Variants in ZFHX3 observed in about 807,000 individuals in gnomAD.
ZFHX3 encodes zinc finger homeobox protein 3.
In ZFHX3, 42 loss-of-function variants were observed where a neutral mutation model predicts 279.1. The observed-to-expected ratio is 0.15, with a 90% confidence interval of 0.12 to 0.19. The LOEUF is 0.19. Ranked by LOEUF, ZFHX3 falls within the 10% of genes least tolerant of loss-of-function variation. ZFHX3 has a pLI of 1.00. For synonymous variants in ZFHX3, 2,293 were observed against 1,957.8 expected, an observed-to-expected ratio of 1.17 and a Z score of -4.52; for missense variants, 4,981 against 4,754.0, an observed-to-expected ratio of 1.05 and a Z score of -1.40.
intron 5 of ZFHX3, among the ~76,000 whole-genome samples, chr16:73,246,923 T>C (rs1464866949): frequency 6.6e-6 from 1 of 152,212 alleles, no homozygotes; most frequent in African/African-American, 2.4e-5. Context: ...CTCCTTCATG[T>C]ATGTGTGTAT....
chr16:72,849,315 T>G (rs1314038466), intron 4 of ZFHX3, among the ~76,000 whole-genome samples: 3 of 152,164 alleles, frequency 2.0e-5, no homozygotes, highest in Non-Finnish European at 4.4e-5. Flanking sequence ...AAAACGTGGC[T>G]TGGTCTCCTC....
chr16:72,900,516 G>A (rs2039008969), intron 3 of ZFHX3, among the ~76,000 whole-genome samples: 1 of 152,222 alleles, frequency 6.6e-6, no homozygotes, highest in African/African-American at 2.4e-5. Flanking sequence ...CGGAACATGT[G>A]AAGAACTACC....
At chr16:73,373,151 G>T (rs963056799) in intron 3 of ZFHX3, among the ~76,000 whole-genome samples, 1 of 147,398 alleles carries the variant, frequency 6.8e-6, no homozygotes, top group East Asian at 2.0e-4. Context: ...TTGGGGGGGG[G>T]GTGGTTCCAA....
intron 4 of ZFHX3, among the ~76,000 whole-genome samples, chr16:72,845,517 C>T (rs1440774552): frequency 6.6e-6 from 1 of 152,138 alleles, no homozygotes; most frequent in East Asian, 1.9e-4. Flanking sequence ...GGGCTCTCCG[C>T]CCCCAACTCA....
At chr16:72,845,997 G>T (rs2037470217) in intron 4 of ZFHX3, among the ~76,000 whole-genome samples, 1 of 152,144 alleles carries the variant, frequency 6.6e-6, no homozygotes, top group South Asian at 2.1e-4. Context: ...ACACACACTT[G>T]TGCTTGTGCT....
intron 4 of ZFHX3, among the ~76,000 whole-genome samples, chr16:73,311,905 A>G (rs955406403): frequency 1.1e-4 from 16 of 152,152 alleles, no homozygotes; most frequent in African/African-American, 3.1e-4. Flanking sequence ...GTGTGAGTCA[A>G]TGGAAGCTCA....
chr16:73,045,652 T>C (rs925601022), intron 1 of ZFHX3, among the ~76,000 whole-genome samples: 108 of 117,198 alleles, frequency 9.2e-4, no homozygotes, highest in African/African-American at 5.2e-3. Flanking sequence ...TTATTATTAT[T>C]ATTATTATTA....
intron 3 of ZFHX3, among the ~76,000 whole-genome samples, chr16:73,377,124 A>G (rs1035039179): frequency 6.6e-6 from 1 of 152,080 alleles, no homozygotes; most frequent in African/African-American, 2.4e-5. Flanking sequence ...GGCACGTGCC[A>G]CCATGCCTAG....
chr16:73,006,915 T>C (rs1230759192), intron 1 of ZFHX3, among the ~76,000 whole-genome samples: 1 of 152,222 alleles, frequency 6.6e-6, no homozygotes. Flanking sequence ...TTAAACTGTA[T>C]CATTTAAGGA....
chr16:72,929,758 T>C (rs1465163391), intron 3 of ZFHX3, among the ~76,000 whole-genome samples: 1 of 152,130 alleles, frequency 6.6e-6, no homozygotes, highest in Admixed American at 6.5e-5. Flanking sequence ...AAGTGTGCAC[T>C]GGGAGCAGAA....
chr16:72,823,496 T>C (rs1306865152), intron 5 of ZFHX3, among the ~76,000 whole-genome samples: 1 of 152,168 alleles, frequency 6.6e-6, no homozygotes, highest in Non-Finnish European at 1.5e-5. Context: ...ACACAGTGTG[T>C]CTGTCCCAAG....
chr16:73,878,960 T>C (rs2030049721), intron 1 of ZFHX3, among the ~76,000 whole-genome samples: 1 of 143,562 alleles, frequency 7.0e-6, no homozygotes, highest in African/African-American at 2.6e-5. Flanking sequence ...TATATATATA[T>C]ATATAGTTGT....
At chr16:73,004,992 T>G (rs868018755) in intron 1 of ZFHX3, among the ~76,000 whole-genome samples, 4 of 152,246 alleles carry the variant, frequency 2.6e-5, no homozygotes, top group Non-Finnish European at 5.9e-5. Context: ...CAACCATTTA[T>G]TGCATAATTT....
At chr16:73,213,262 A>C (rs1215132976) in intron 5 of ZFHX3, among the ~76,000 whole-genome samples, 1 of 152,186 alleles carries the variant, frequency 6.6e-6, no homozygotes. Flanking sequence ...TATTGTGTGC[A>C]ATGACTTGAG....
At chr16:73,312,865 G>A (rs372035930) in intron 4 of ZFHX3, among the ~76,000 whole-genome samples, 38 of 152,284 alleles carry the variant, frequency 2.5e-4, no homozygotes, top group African/African-American at 7.9e-4. Flanking sequence ...TGTATAATGC[G>A]TACTATGCAT....
chr16:72,966,336 C>T (rs1961838381), intron 1 of ZFHX3, among the ~76,000 whole-genome samples: 1 of 152,182 alleles, frequency 6.6e-6, no homozygotes, highest in African/African-American at 2.4e-5. Flanking sequence ...ACATGAAGCC[C>T]TACATTTAAC....
chr16:73,617,352 A>G (rs911513815), intron 2 of ZFHX3, among the ~76,000 whole-genome samples: 1 of 152,234 alleles, frequency 6.6e-6, no homozygotes, highest in Non-Finnish European at 1.5e-5. Context: ...CCAATTCAGG[A>G]TGTGAATTCT....
intron 8 of ZFHX3, among the ~76,000 whole-genome samples, chr16:73,077,510 A>G (rs891842970): frequency 1.3e-5 from 2 of 152,108 alleles, no homozygotes; most frequent in Admixed American, 1.3e-4. Context: ...GCCAATAACA[A>G]CAGCTTCCCT....
At chr16:72,907,184 AAC>A (rs1233791882) in intron 3 of ZFHX3, among the ~76,000 whole-genome samples, 2 of 152,272 alleles carry the variant, frequency 1.3e-5, no homozygotes, top group Admixed American at 1.3e-4. Flanking sequence ...TAAGTCTTAA[AAC>A]ACAAATCTTT....
Sources: allele counts gnomAD v4.1 joint callset (sites outside exome capture counted in the v4.1 genomes callset), GRCh38; gene constraint gnomAD v4.1.1; transcripts MANE v1.5; gene names NCBI Gene and HGNC (gene_info 2026-07-23, HGNC 2026-07-21).